CSMD1: variants seen among roughly 807,000 people sequenced by gnomAD.
CSMD1 encodes the protein CUB and Sushi multiple domains 1.
A neutral mutation model predicts 417.5 loss-of-function variants in CSMD1; 213 were observed. The ratio of observed to expected loss-of-function variants is 0.51; its 90% CI spans 0.46 to 0.57. The LOEUF (loss-of-function observed/expected upper bound fraction) is 0.57, where lower values mean the gene tolerates loss of function less well. CSMD1 is among the 20% of genes least tolerant of loss of function. The pLI, the probability that CSMD1 is intolerant of heterozygous loss-of-function variation, is 0.00. For missense variants in CSMD1, 6,923 were observed against 4,529.7 expected (o/e 1.53, Z -15.17); for synonymous variants, 2,862 against 1,736.8 (o/e 1.65, Z -16.11).
At chr8:3,547,834 T>G (rs1191740729) in intron 10 of CSMD1, among the ~76,000 whole-genome samples, 1 of 152,154 alleles carries the variant, frequency 6.6e-6, no homozygotes, top group Non-Finnish European at 1.5e-5. Flanking sequence ...GCAAACAAAG[T>G]TTTTTAAAAG....
At chr8:3,894,755 C>G (rs940159835) in intron 5 of CSMD1, among the ~76,000 whole-genome samples, 2 of 152,188 alleles carry the variant, frequency 1.3e-5, no homozygotes, top group African/African-American at 2.4e-5. Context: ...GGAAGTGTCT[C>G]TGCTTCCACA....
intron 5 of CSMD1, among the ~76,000 whole-genome samples, chr8:3,980,820 G>A (rs983021648): frequency 6.6e-6 from 1 of 152,110 alleles, no homozygotes; most frequent in Admixed American, 6.6e-5. Flanking sequence ...AACCACTAAT[G>A]TCCCCACTCC....
chr8:3,607,908 G>C (rs1801698451), intron 8 of CSMD1, among the ~76,000 whole-genome samples: 1 of 152,170 alleles, frequency 6.6e-6, no homozygotes, highest in South Asian at 2.1e-4. Flanking sequence ...AGTGGTTCAT[G>C]CCTGTAATCC....
intron 54 of CSMD1, among the ~76,000 whole-genome samples, chr8:2,989,009 G>A (rs1016555484): frequency 6.6e-6 from 1 of 152,176 alleles, no homozygotes; most frequent in African/African-American, 2.4e-5. Flanking sequence ...CACTCAATGA[G>A]TCCTCCAGAT....
At chr8:3,558,556 C>T (rs939678674) in intron 10 of CSMD1, among the ~76,000 whole-genome samples, 11 of 147,778 alleles carry the variant, frequency 7.4e-5, no homozygotes, top group Non-Finnish European at 1.0e-4. Flanking sequence ...TCAATGGTAC[C>T]CCGTGTCCAC....
At chr8:3,409,643 C>G in intron 12 of CSMD1, 38 bp from the exon 13 acceptor site, 3 of 1,476,796 alleles carry the variant, frequency 2.0e-6, no homozygotes, top group Non-Finnish European at 2.7e-6. Flanking sequence ...TAAAAAAACA[C>G]ACACAAGGAA....
chr8:4,016,421 C>CA (rs890304447), intron 4 of CSMD1, among the ~76,000 whole-genome samples: 2 of 152,158 alleles, frequency 1.3e-5, no homozygotes, highest in Non-Finnish European at 2.9e-5. Flanking sequence ...CATGACCCTG[C>CA]AGCTGCACTG....
chr8:2,940,688 G>C (rs1801809409), intron 69 of CSMD1, among the ~76,000 whole-genome samples: 2 of 152,114 alleles, frequency 1.3e-5, no homozygotes, highest in South Asian at 4.1e-4. Flanking sequence ...AATCAGAAGT[G>C]ATATTTATGT....
chr8:3,100,899 C>T (rs1368796322), intron 46 of CSMD1, among the ~76,000 whole-genome samples: 1 of 151,974 alleles, frequency 6.6e-6, no homozygotes, highest in Non-Finnish European at 1.5e-5. Flanking sequence ...AAAAGGCTGC[C>T]CCAGAGCCCT....
chr8:4,015,430 G>C lies in CSMD1; in HGVS notation c.610+16475C>G, dbSNP rs7824656. Among the ~76,000 whole-genome samples, 1,276 of 152,030 alleles carry C rather than the reference G, an allele frequency of 8.4e-3. 12 individuals carry two copies. Among genetic ancestry groups the C allele is most frequent in the Middle Eastern group, 0.024 (7 of 294 alleles). ...CTCGACTGACAGTTCATATAGAATT[G>C]GCAAGTGACATATTGCCATTTCCAG... On this transcript the variant is annotated intron_variant, in intron 4 of 69. Coordinates refer to ENST00000635120, the MANE Select transcript of CSMD1 (RefSeq NM_033225.6).
intron 5 of CSMD1, among the ~76,000 whole-genome samples, chr8:3,856,343 T>C (rs751135217): frequency 3.3e-5 from 5 of 152,190 alleles, no homozygotes; most frequent in Admixed American, 2.0e-4. Flanking sequence ...GCTGCTATGC[T>C]TCCTGTACAG....
intron 5 of CSMD1, among the ~76,000 whole-genome samples, chr8:3,890,414 G>T (rs574252194): frequency 6.6e-6 from 1 of 151,904 alleles, no homozygotes; most frequent in South Asian, 2.1e-4. Flanking sequence ...GACATCAGAC[G>T]CCACCTGAAC....
chr8:3,568,349 G>A (rs577581365), intron 10 of CSMD1, among the ~76,000 whole-genome samples: 1 of 152,026 alleles, frequency 6.6e-6, no homozygotes, highest in Non-Finnish European at 1.5e-5. Flanking sequence ...ATATTTCATT[G>A]TGCTTGTATA....
chr8:3,227,713 G>A (rs1798597076), intron 27 of CSMD1, among the ~76,000 whole-genome samples: 1 of 151,102 alleles, frequency 6.6e-6, no homozygotes, highest in African/African-American at 2.4e-5. Context: ...GTACTGGTAA[G>A]TAAAAAGTGC....
chr8:4,944,938 G>C (rs1808270686), intron 1 of CSMD1, among the ~76,000 whole-genome samples: 2 of 152,162 alleles, frequency 1.3e-5, no homozygotes, highest in South Asian at 2.1e-4. Flanking sequence ...GGGTCTCACA[G>C]AGATATTTGC....
chr8:3,239,648 C>T (rs1799367748), intron 26 of CSMD1, among the ~76,000 whole-genome samples: 2 of 152,202 alleles, frequency 1.3e-5, no homozygotes, highest in Admixed American at 1.3e-4. Flanking sequence ...GGATAGATTT[C>T]TATGATGGAA....
At chr8:3,998,139 T>G (rs757514924) in intron 4 of CSMD1, 29 bp from the exon 5 acceptor site, 10 of 1,536,340 alleles carry the variant, frequency 6.5e-6, no homozygotes, top group Non-Finnish European at 8.8e-6. Context: ...AAAGAAAGCA[T>G]CACATTTCAG....
chr8:3,715,033 T>G (rs1801746715), intron 6 of CSMD1, among the ~76,000 whole-genome samples: 1 of 152,230 alleles, frequency 6.6e-6, no homozygotes, highest in Non-Finnish European at 1.5e-5. Context: ...AACTTATTCA[T>G]TAATAGACAC....
chr8:4,871,186 G>A (rs913634099), intron 1 of CSMD1, among the ~76,000 whole-genome samples: 3 of 152,254 alleles, frequency 2.0e-5, no homozygotes, highest in African/African-American at 7.2e-5. Flanking sequence ...TCATGTATGA[G>A]TATTTCCATA....
Sources: allele counts gnomAD v4.1 joint callset (sites outside exome capture counted in the v4.1 genomes callset), GRCh38; gene constraint gnomAD v4.1.1; transcripts MANE v1.5; gene names NCBI Gene and HGNC (gene_info 2026-07-23, HGNC 2026-07-21).